IGF2BP3: variants seen among roughly 807,000 people sequenced by gnomAD.
IGF2BP3 encodes insulin-like growth factor 2 mRNA-binding protein 3.
Under a neutral mutation model 73.8 loss-of-function variants are expected in IGF2BP3, and 9 were observed. The ratio of observed to expected loss-of-function variants is 0.12; its 90% CI spans 0.07 to 0.21. The LOEUF is 0.21. Ranked by LOEUF, IGF2BP3 falls within the 10% of genes least tolerant of loss-of-function variation. The pLI is 1.00. For synonymous variants in IGF2BP3, 258 were observed against 256.7 expected, an observed-to-expected ratio of 1.01 and a Z score of -0.05; for missense variants, 542 against 714.0, an observed-to-expected ratio of 0.76 and a Z score of 2.75.
chr7:23,465,610 G>T (rs887461027), intron 2 of IGF2BP3, among the ~76,000 whole-genome samples: 2 of 152,188 alleles, frequency 1.3e-5, no homozygotes, highest in African/African-American at 4.8e-5. Flanking sequence ...TGTTTAGTCA[G>T]TGCAAGCCCA....
intron 6 of IGF2BP3, among the ~76,000 whole-genome samples, chr7:23,348,386 C>T (rs1044038136): frequency 6.6e-6 from 1 of 152,060 alleles, no homozygotes; most frequent in African/African-American, 2.4e-5. Flanking sequence ...TCTAGACTTG[C>T]AAAAATTGAG....
In IGF2BP3 at chr7:23,314,090, G is replaced by C. The variant is rs546759639; in HGVS notation, c.1396-437C>G. Among the ~76,000 whole-genome samples, 11 of 152,240 alleles carry C rather than the reference G, an allele frequency of 7.2e-5. No homozygotes were observed. In the South Asian group the frequency reaches 2.3e-3, roughly 32 times the overall value. On this transcript the variant is annotated intron_variant, in intron 12 of 14. Coordinates refer to ENST00000258729, the MANE Select transcript of IGF2BP3 (RefSeq NM_006547.3). ...GCTGGAGTGCAATGGTACAATCATA[G>C]CTCACTGCAGCTTCAACCTCCTGGG...
At chr7:23,392,509 T>C (rs1199578042) in intron 3 of IGF2BP3, among the ~76,000 whole-genome samples, 26 of 146,506 alleles carry the variant, frequency 1.8e-4, no homozygotes, top group Admixed American at 1.7e-3. Context: ...CATATGCACA[T>C]ATATATACAC....
chr7:23,352,711 G>A (rs1784997571), intron 5 of IGF2BP3, among the ~76,000 whole-genome samples: 1 of 151,982 alleles, frequency 6.6e-6, no homozygotes, highest in East Asian at 1.9e-4. Context: ...AACACACCAG[G>A]GCCCCGGAAG....
At chr7:23,464,128 T>C (rs561009586) in intron 2 of IGF2BP3, among the ~76,000 whole-genome samples, 1 of 152,178 alleles carries the variant, frequency 6.6e-6, no homozygotes, top group Non-Finnish European at 1.5e-5. Flanking sequence ...GGAGGCAGCA[T>C]TGAAGGATCA....
intron 5 of IGF2BP3, among the ~76,000 whole-genome samples, chr7:23,353,329 CTAGGACCTGGAAG>C (rs1301028917): frequency 1.3e-5 from 2 of 152,172 alleles, no homozygotes; most frequent in African/African-American, 4.8e-5. Context: ...TCACTGAGGG[CTAGGACCTGGAAG>C]GCAGACCTGG....
chr7:23,354,266 T>C (rs567077227), intron 5 of IGF2BP3, among the ~76,000 whole-genome samples: 22 of 152,336 alleles, frequency 1.4e-4, no homozygotes, highest in African/African-American at 5.3e-4. Context: ...GTGCTGGGAT[T>C]ACAGGAGTGA....
At chr7:23,422,359 C>CT (rs1345156377) in intron 2 of IGF2BP3, among the ~76,000 whole-genome samples, 1 of 152,104 alleles carries the variant, frequency 6.6e-6, no homozygotes, top group Non-Finnish European at 1.5e-5. Flanking sequence ...TAATCCCAGC[C>CT]TTTTGGGGGG....
In IGF2BP3 at chr7:23,403,720, A is replaced by C. The variant is rs187233424; in HGVS notation, c.285+15056T>G. Among the ~76,000 whole-genome samples, 303 of 152,350 alleles carry C rather than the reference A, an allele frequency of 2.0e-3. 1 individual carries two copies. Among genetic ancestry groups the C allele is most frequent in the Non-Finnish European group, 3.7e-3 (251 of 68,028 alleles). ...CCAATGGTAGCTGCAAGACCTTGGC[A>C]AGTTTTTCCATTTCCCAATTACTTT... On this transcript the variant is annotated intron_variant, in intron 3 of 14. Transcript: ENST00000258729.
chr7:23,374,312 C>T (rs1176762695), intron 3 of IGF2BP3, among the ~76,000 whole-genome samples: 1 of 152,154 alleles, frequency 6.6e-6, no homozygotes, highest in Non-Finnish European at 1.5e-5. Context: ...GGATTGGTTT[C>T]AGCAACCCCC....
chr7:23,458,903 T>G (rs1214293902), intron 2 of IGF2BP3, among the ~76,000 whole-genome samples: 4 of 152,300 alleles, frequency 2.6e-5, no homozygotes, highest in Non-Finnish European at 4.4e-5. Flanking sequence ...TGGGCTCCTG[T>G]GCAAGCTACT....
intron 2 of IGF2BP3, among the ~76,000 whole-genome samples, chr7:23,459,477 G>A (rs1584068083): frequency 6.6e-6 from 1 of 152,044 alleles, no homozygotes; most frequent in African/African-American, 2.4e-5. Context: ...ATCCATAAAC[G>A]TTTTGGCCAA....
At chr7:23,357,879 C>T (rs752634332) in intron 5 of IGF2BP3, among the ~76,000 whole-genome samples, 1 of 151,498 alleles carries the variant, frequency 6.6e-6, no homozygotes, top group Non-Finnish European at 1.5e-5. Flanking sequence ...AAGTGACATT[C>T]ATAGAGCTTT....
At chr7:23,389,512 G>A (rs1313918256) in intron 3 of IGF2BP3, among the ~76,000 whole-genome samples, 8 of 151,486 alleles carry the variant, frequency 5.3e-5, no homozygotes, top group Admixed American at 5.3e-4. Context: ...TGAGAAAAAA[G>A]CAGGAAATTA....
chr7:23,392,249 A>C (rs1786299597), intron 3 of IGF2BP3, among the ~76,000 whole-genome samples: 1 of 152,160 alleles, frequency 6.6e-6, no homozygotes, highest in South Asian at 2.1e-4. Flanking sequence ...ACTAACCCTA[A>C]TGAACCAAGA....
chr7:23,379,306 A>G (rs1785831551), intron 3 of IGF2BP3, among the ~76,000 whole-genome samples: 1 of 152,190 alleles, frequency 6.6e-6, no homozygotes, highest in Admixed American at 6.5e-5. Flanking sequence ...TTTTGATCCC[A>G]GCCATGTTCT....
rs1368983461 is a variant in IGF2BP3, at chr7:23,319,133, A to C, written c.1320+5T>G. 1.9e-6 allele frequency: 3 copies of C among 1,582,104 alleles called. No individual in the cohort carries two copies. The highest frequency in any genetic ancestry group is 2.6e-6 in the Non-Finnish European group (3 of 1,153,130). ...ACCAGAGAACCACAGCTGGTAGAAC[A>C]GTACCTTAATTGAAGCTCCAGCAAA... is the stretch of plus-strand genomic sequence containing the variant. On this transcript the variant is annotated splice_donor_5th_base_variant and intron_variant, in intron 11 of 14. Transcript: ENST00000258729.
In IGF2BP3 at chr7:23,446,297, C is replaced by T. The variant is rs972976589; in HGVS notation, c.236+22185G>A. 2.0e-5 allele frequency among the ~76,000 whole-genome samples: 3 copies of T among 152,140 alleles called. No homozygotes were observed. In the East Asian group the frequency reaches 5.8e-4, roughly 29 times the overall value. On this transcript the variant is annotated intron_variant, in intron 2 of 14. Coordinates refer to ENST00000258729, the MANE Select transcript of IGF2BP3 (RefSeq NM_006547.3). ...TAGATGCCCAGTGTGGTGGCTCATACCTTTATGTAATCCCAGCACTTTGGG... is the reference window on the plus strand; with the variant it reads ...TAGATGCCCAGTGTGGTGGCTCATATCTTTATGTAATCCCAGCACTTTGGG...
In IGF2BP3 at chr7:23,312,115, C is replaced by G; in HGVS notation, c.*247G>C. On this transcript the variant is annotated 3_prime_UTR_variant, in exon 15 of 15. Transcript: ENST00000258729. ...AAGTGCAGAGCTCTTCTCTTTCCCT[C>G]CCTCCCCCACCCTTTTTTTGTTTGT... The G allele has an allele frequency of 2.5e-6, 1 of 401,122 alleles. No homozygotes were observed. Among genetic ancestry groups the G allele is most frequent in the African/African-American group, 2.1e-5 (1 of 48,112 alleles). The allele number at this position is 401,122 out of a possible 1,614,324, so 24.8% of individuals were successfully genotyped here.
Sources: allele counts gnomAD v4.1 joint callset (sites outside exome capture counted in the v4.1 genomes callset), GRCh38; gene constraint gnomAD v4.1.1; transcripts MANE v1.5; gene names NCBI Gene and HGNC (gene_info 2026-07-23, HGNC 2026-07-21).